The following BBS9 variants were observed in gnomAD, a reference collection of about 807,000 sequenced individuals.
The protein encoded by BBS9 is Bardet-Biedl syndrome 9, also known as protein PTHB1.
BBS9 carries 89 observed loss-of-function variants against 117.7 expected under a neutral mutation model. The observed-to-expected ratio is 0.76, with a 90% CI of 0.64 to 0.90. The LOEUF (loss-of-function observed/expected upper bound fraction) is 0.90, where lower values mean the gene tolerates loss of function less well. Ranked by LOEUF, BBS9 falls within the 40% of genes least tolerant of loss-of-function variation. The pLI is 0.00. For missense variants in BBS9, 982 were observed against 1,042.2 expected (o/e 0.94, Z 0.80); for synonymous variants, 379 against 370.9 (o/e 1.02, Z -0.25).
At chr7:33,287,737 T>TA (rs35037377) in intron 9 of BBS9, among the ~76,000 whole-genome samples, 2 of 152,114 alleles carry the variant, frequency 1.3e-5, no homozygotes, top group African/African-American at 2.4e-5. Context: ...ATTAATGTGC[T>TA]AAAAAAAGGA....
At chr7:33,183,705 C>T (rs755542058) in intron 5 of BBS9, among the ~76,000 whole-genome samples, 5 of 152,168 alleles carry the variant, frequency 3.3e-5, no homozygotes, top group Middle Eastern at 3.2e-3. Context: ...GACATAAACT[C>T]CAAAATTCCT....
chr7:33,167,293 G>C (rs1795847382), intron 4 of BBS9, among the ~76,000 whole-genome samples: 1 of 149,702 alleles, frequency 6.7e-6, no homozygotes, highest in African/African-American at 2.5e-5. Flanking sequence ...GTACTGTCTG[G>C]TTTAGCATAA....
intron 21 of BBS9, among the ~76,000 whole-genome samples, chr7:33,591,149 G>C (rs925734920): frequency 6.6e-6 from 1 of 151,928 alleles, no homozygotes; most frequent in Non-Finnish European, 1.5e-5. Flanking sequence ...CTTAAATGAT[G>C]ACTTTTTTTT....
At chr7:33,138,815 C>G (rs1790996991) in intron 1 of BBS9, among the ~76,000 whole-genome samples, 1 of 150,930 alleles carries the variant, frequency 6.6e-6, no homozygotes. Context: ...TCTCAAACTC[C>G]TGGCCTGAAC....
intron 19 of BBS9, among the ~76,000 whole-genome samples, chr7:33,403,730 G>C (rs1159464203): frequency 1.3e-5 from 2 of 152,082 alleles, no homozygotes; most frequent in East Asian, 1.9e-4. Flanking sequence ...GGACATTTGG[G>C]TTAGTTCCAA....
At chr7:33,539,776 T>C (rs746308821) in intron 21 of BBS9, among the ~76,000 whole-genome samples, 15 of 152,224 alleles carry the variant, frequency 9.9e-5, no homozygotes, top group Non-Finnish European at 1.9e-4. Flanking sequence ...TGGCCTTGCG[T>C]GTGACAGGCA....
intron 5 of BBS9, 39 bp from the exon 6 acceptor site, chr7:33,257,197 A>T: frequency 7.3e-7 from 1 of 1,362,676 alleles, no homozygotes; most frequent in Non-Finnish European, 1.0e-6. Context: ...ATATTTATAA[A>T]AAGAATAGAT....
intron 9 of BBS9, among the ~76,000 whole-genome samples, chr7:33,285,456 C>T: frequency 6.6e-6 from 1 of 152,170 alleles, no homozygotes; most frequent in South Asian, 2.1e-4. Flanking sequence ...ACTATTGGTA[C>T]CTCAGTAAAC....
chr7:33,191,311 GTAT>G (rs1784078882), intron 5 of BBS9, among the ~76,000 whole-genome samples: 1 of 152,148 alleles, frequency 6.6e-6, no homozygotes, highest in Non-Finnish European at 1.5e-5. Context: ...TTTGAATTTG[GTAT>G]CCGTGAGCTT....
At chr7:33,385,645 T>A (rs1182222383) in intron 18 of BBS9, among the ~76,000 whole-genome samples, 1 of 152,190 alleles carries the variant, frequency 6.6e-6, no homozygotes, top group Non-Finnish European at 1.5e-5. Flanking sequence ...TTTTTTAGTG[T>A]ATCAAGAATT....
At chr7:33,567,229 A>G (rs923076737) in intron 21 of BBS9, among the ~76,000 whole-genome samples, 18 of 152,290 alleles carry the variant, frequency 1.2e-4, no homozygotes, top group African/African-American at 4.3e-4. Context: ...TGTGACCTGA[A>G]AAATATATAA....
At chr7:33,187,906 A>G (rs989258830) in intron 5 of BBS9, among the ~76,000 whole-genome samples, 1 of 152,054 alleles carries the variant, frequency 6.6e-6, no homozygotes, top group African/African-American at 2.4e-5. Flanking sequence ...TGGGCGACAG[A>G]GCGAGACTCC....
At chr7:33,499,814 A>T (rs1431545460) in intron 19 of BBS9, among the ~76,000 whole-genome samples, 1 of 152,190 alleles carries the variant, frequency 6.6e-6, no homozygotes, top group Non-Finnish European at 1.5e-5. Context: ...ATTTCTGTAA[A>T]GAGGTTAGCA....
chr7:33,581,093 TGTGAGAGAGAGA>T (rs1859809805), intron 21 of BBS9, among the ~76,000 whole-genome samples: 1 of 141,648 alleles, frequency 7.1e-6, no homozygotes, highest in Non-Finnish European at 1.5e-5. Flanking sequence ...TGTGTGTGTG[TGTGAGAGAGAGA>T]GAGAGAGAGA....
intron 19 of BBS9, among the ~76,000 whole-genome samples, chr7:33,400,165 C>T (rs1828671266): frequency 6.6e-6 from 1 of 151,918 alleles, no homozygotes. Context: ...ATAAACTATT[C>T]TGAGTCAGAA....
At chr7:33,623,765 G>A (rs1179617306) in intron 21 of BBS9, among the ~76,000 whole-genome samples, 2 of 152,070 alleles carry the variant, frequency 1.3e-5, no homozygotes, top group South Asian at 2.1e-4. Flanking sequence ...TATATATTAC[G>A]ATTCTGTTTA....
At chr7:33,423,001 T>C (rs1833087535) in intron 19 of BBS9, among the ~76,000 whole-genome samples, 2 of 152,146 alleles carry the variant, frequency 1.3e-5, no homozygotes, top group African/African-American at 2.4e-5. Flanking sequence ...TTGGGGTGAC[T>C]AGGTCAATGA....
At chr7:33,607,697 T>A (rs11980361), downstream of BBS9, among the ~76,000 whole-genome samples, 1 of 151,784 alleles carries the variant, frequency 6.6e-6, no homozygotes. Context: ...AAAGATAATT[T>A]TTTCTCTGAA....
intron 21 of BBS9, among the ~76,000 whole-genome samples, chr7:33,537,243 C>T (rs1285757327): frequency 6.6e-6 from 1 of 152,148 alleles, no homozygotes; most frequent in Non-Finnish European, 1.5e-5. Context: ...CTTTTCTAGC[C>T]TCATGACTTT....
Sources: gnomAD v4.1 joint callset for allele counts (sites outside exome capture counted in the v4.1 genomes callset) on GRCh38, gnomAD v4.1.1 for gene constraint, MANE v1.5 for transcripts, NCBI Gene and HGNC (gene_info 2026-07-23, HGNC 2026-07-21) for gene names.